CEP76: variants seen among roughly 807,000 people sequenced by gnomAD.
CEP76 encodes centrosomal protein 76.
A neutral mutation model predicts 83.3 loss-of-function variants in CEP76; 55 were observed. The observed-to-expected ratio is 0.66, with a 90% CI of 0.53 to 0.83. The LOEUF is 0.83. Among genes scored for constraint, CEP76 ranks in the 40% least tolerant of loss-of-function variants. CEP76 has a pLI of 0.00. For missense variants in CEP76, 694 were observed against 799.5 expected, an observed-to-expected ratio of 0.87 and a Z score of 1.59; for synonymous variants, 270 against 274.5, an observed-to-expected ratio of 0.98 and a Z score of 0.16.
chr18:12,674,764 T>C lies in CEP76; in HGVS notation c.1624-11A>G. 6.4e-7 allele frequency: 1 copy of C among 1,567,900 alleles called. No individual in the cohort carries two copies. The highest frequency in any genetic ancestry group is 8.7e-7 in the Non-Finnish European group (1 of 1,154,296). ...AGTGAGGCCAAGATCCTATGAGCAA[T>C]CAAGAGAAAAAGAAAAAGTGAAATA... is the stretch of plus-strand genomic sequence containing the variant. On this transcript the variant is annotated splice_polypyrimidine_tract_variant and intron_variant, in intron 10 of 11. Coordinates refer to ENST00000262127, the MANE Select transcript of CEP76 (RefSeq NM_024899.4).
downstream of CEP76, among the ~76,000 whole-genome samples, chr18:12,667,848 CTTTTTTTTTT>C (rs36019439): frequency 1.7e-5 from 2 of 116,712 alleles, no homozygotes; most frequent in East Asian, 4.7e-4. Context: ...CTTTCTGATC[CTTTTTTTTTT>C]TTTTTTTTTT....
chr18:12,689,331 A>T (rs1467616698), intron 7 of CEP76, among the ~76,000 whole-genome samples: 1 of 152,194 alleles, frequency 6.6e-6, no homozygotes, highest in Non-Finnish European at 1.5e-5. Flanking sequence ...CATTTTATTT[A>T]CTCTATGTAT....
At chr18:12,698,943 T>C in intron 4 of CEP76, 36 bp downstream of exon 4, 4 of 1,377,114 alleles carry the variant, frequency 2.9e-6, no homozygotes, top group Admixed American at 3.9e-5. Context: ...AACAAAGATT[T>C]ACTCAATTAA....
chr18:12,663,901 A>T (rs1224161208), intron 12 of CEP76, among the ~76,000 whole-genome samples: 1 of 152,166 alleles, frequency 6.6e-6, no homozygotes, highest in African/African-American at 2.4e-5. Flanking sequence ...ACAGTGGTTT[A>T]TGCCTGTAAT....
rs772374234 is a variant in CEP76, at chr18:12,697,249, C to G, written c.680G>C (p.Ser227Thr). 2 of 1,613,374 alleles carry G rather than the reference C, an allele frequency of 1.2e-6. No homozygotes were observed. The highest frequency in any genetic ancestry group is 2.2e-5 in the South Asian group (2 of 90,964). ...TACACCCATAAGTTCCACAGTCAGA[C>G]TGGTCACTCCATTTTCTGAGCCCAA... The part of the protein sequence containing the change: ...SVLGSENGVT[S>T]LTVELMGVGT... Residue 227 changes from serine (S) to threonine (T), a missense_variant, in exon 5 of 12, where the codon AGT becomes ACT. Physicochemically the swap from Ser to Thr is moderately conservative, Grantham distance 58. Transcript: ENST00000262127.
chr18:12,669,933 G>GTTGCGGTGAGCCAAGA (rs1555641002), downstream of CEP76, among the ~76,000 whole-genome samples: 8 of 149,568 alleles, frequency 5.3e-5, no homozygotes, highest in South Asian at 4.2e-4. Context: ...GGAGGCGGAG[G>GTTGCGGTGAGCCAAGA]TTGCGGTGAG....
chr18:12,674,382 C>G (rs2039045582), intron 11 of CEP76, among the ~76,000 whole-genome samples, 154 bp downstream of exon 11: 1 of 148,824 alleles, frequency 6.7e-6, no homozygotes, highest in Non-Finnish European at 1.5e-5. Flanking sequence ...GTCAAGGCTA[C>G]AGTGAGCCAT....
chr18:12,693,174 T>A (rs562298442), intron 6 of CEP76, among the ~76,000 whole-genome samples: 26 of 152,220 alleles, frequency 1.7e-4, no homozygotes, highest in African/African-American at 6.0e-4. Flanking sequence ...ATTTATCAGA[T>A]AATAGAATAA....
rs919628630 is a variant in CEP76, at chr18:12,667,334, G to A, written c.*1728-5165C>T. ...TAGCTGAGTGTGGTGGTACATGCCT[G>A]TAGTCCCAGCTACTCTGGAGGCTGA... is the stretch of plus-strand genomic sequence containing the variant. On this transcript the variant is annotated intron_variant and NMD_transcript_variant, in intron 12 of 12. Transcript: ENST00000590143. Among the ~76,000 whole-genome samples the A allele has an allele frequency of 5.9e-5, 9 of 152,264 alleles. No homozygotes were observed. In the South Asian group the frequency reaches 8.3e-4, roughly 14 times the overall value.
In CEP76 at chr18:12,695,291, AGTG is replaced by A; in HGVS notation, c.764_766del (p.Pro255del). The A allele has an allele frequency of 6.4e-7, 1 of 1,568,072 alleles. No homozygotes were observed. Among genetic ancestry groups the A allele is most frequent in the African/African-American group, 1.4e-5 (1 of 73,822 alleles). On this transcript the variant is annotated inframe_deletion, in exon 6 of 12. Transcript: ENST00000262127. ...TACTTCTTGAGATAACGTTTGATTG[AGTG>A]GTGGATACATTTCAAGTTTTATATT...
At chr18:12,700,611 G>A (rs950084103) in intron 2 of CEP76, among the ~76,000 whole-genome samples, 2 of 151,988 alleles carry the variant, frequency 1.3e-5, no homozygotes, top group African/African-American at 2.4e-5. Flanking sequence ...TTAAAAATAC[G>A]CTTAATCTAA....
At chr18:12,692,431 C>T (rs148508382) in intron 6 of CEP76, 3,184 of 152,392 alleles carry the variant, frequency 0.021, 59 homozygotes, top group Non-Finnish European at 0.027. Flanking sequence ...TTTCTCCTCT[C>T]TCCCCAACCC....
intron 10 of CEP76, among the ~76,000 whole-genome samples, chr18:12,675,870 T>C (rs1245236227): frequency 6.6e-6 from 1 of 151,910 alleles, no homozygotes; most frequent in Admixed American, 6.6e-5. Flanking sequence ...GCTTTCACCA[T>C]GTTGGCCAGG....
At chr18:12,691,061 T>G (rs535387691) in intron 7 of CEP76, among the ~76,000 whole-genome samples, 22 of 152,266 alleles carry the variant, frequency 1.4e-4, no homozygotes, top group Admixed American at 1.4e-3. Context: ...AAATGGATTT[T>G]CATCTACTTT....
chr18:12,702,081 G>C (rs182675551), intron 1 of CEP76, among the ~76,000 whole-genome samples: 1 of 152,146 alleles, frequency 6.6e-6, no homozygotes, highest in Non-Finnish European at 1.5e-5. Context: ...AGCCGAGATC[G>C]TGCCACTGCA....
Position 12,687,317 on chromosome 18 carries a change from C to A in CEP76, c.934-867G>T, listed in dbSNP as rs371727724. 1.5e-3 allele frequency among the ~76,000 whole-genome samples: 226 copies of A among 152,082 alleles called. 1 individual carries two copies. Among genetic ancestry groups the A allele is most frequent in the African/African-American group, 5.1e-3 (211 of 41,480 alleles). On this transcript the variant is annotated intron_variant, in intron 7 of 11. Coordinates refer to ENST00000262127, the MANE Select transcript of CEP76 (RefSeq NM_024899.4). ...CAGAACATCTTTTTCCAATATAGTC[C>A]CATACTTTAGCAAGGAAAAAAAAAC...
At chr18:12,685,976 A>G (rs1311095843) in intron 8 of CEP76, 7 of 245,318 alleles carry the variant, frequency 2.9e-5, no homozygotes, top group Non-Finnish European at 5.6e-5. Context: ...ATCCTCCTAT[A>G]TACTTTAAAT....
downstream of CEP76, among the ~76,000 whole-genome samples, chr18:12,668,622 A>AAAAAAAAAAAAAC (rs2038857379): frequency 7.6e-6 from 1 of 132,410 alleles, no homozygotes; most frequent in African/African-American, 2.8e-5. Context: ...AAAAAAAAAA[A>AAAAAAAAAAAAAC]AAAAAAATAG....
rs376808836 is a variant in CEP76 at position 12,699,918 on chromosome 18, G to GAA, written c.220-15_220-14dup. 15 of 1,501,052 alleles carry GAA rather than the reference G, an allele frequency of 1.0e-5. No homozygotes were observed. Among genetic ancestry groups the GAA allele is most frequent in the Middle Eastern group, 1.8e-4 (1 of 5,536 alleles). 93.0% of individuals were successfully genotyped at this position (1,501,052 alleles called of 1,614,324 possible). A position where few individuals can be genotyped will look rare whatever the true frequency, so the allele number is the denominator to read the frequency against. The stretch of plus-strand genomic sequence containing the variant: ...GCTCAACACTGTCCTAGAAAGGCAG[G>GAA]AAAAAAAAATCAAAACAAATTAGAA... On this transcript the variant is annotated splice_polypyrimidine_tract_variant and intron_variant, in intron 2 of 11. Coordinates refer to ENST00000262127, the MANE Select transcript of CEP76 (RefSeq NM_024899.4).
Sources: allele counts gnomAD v4.1 joint callset (sites outside exome capture counted in the v4.1 genomes callset), GRCh38; gene constraint gnomAD v4.1.1; transcripts MANE v1.5; gene names NCBI Gene and HGNC (gene_info 2026-07-23, HGNC 2026-07-21).